The following FTCD variants were observed in gnomAD, a reference collection of about 807,000 sequenced individuals.
The protein encoded by FTCD is formimidoyltransferase cyclodeaminase.
FTCD carries 76 observed loss-of-function variants against 62.9 expected under a neutral mutation model. That is an observed-to-expected ratio of 1.21 (90% CI 1.00 to 1.46). FTCD has a LOEUF of 1.46. Ranked by LOEUF, FTCD falls within the 40% of genes most tolerant of loss-of-function variation. FTCD has a pLI of 0.00. For synonymous variants in FTCD, 397 were observed against 336.9 expected (o/e 1.18, Z -1.95); for missense variants, 845 against 751.3 (o/e 1.12, Z -1.46).
chr21:46,151,726 G>A lies in FTCD; in HGVS notation c.468C>T (p.Ala156=), dbSNP rs138762824. 5.6e-5 allele frequency: 91 copies of A among 1,612,848 alleles called. No homozygotes were observed. The Middle Eastern group carries it at 1.2e-3, about 21-fold the overall frequency. ...YEALPKKLQQ[A]DWAPDFGPSS... is the part of the protein sequence containing the mutation. ...TGGGACCAAAGTCGGGCGCCCAGTC[G>A]GCCTGCTGGAGCTGTGAGCAAGTTC... The change falls in exon 5 of 14, where the codon GCC becomes GCT. Residue 156 remains alanine, a synonymous_variant. Transcript: ENST00000397746.
chr21:46,151,232 C>G (rs1354236636), intron 5 of FTCD, among the ~76,000 whole-genome samples: 1 of 152,144 alleles, frequency 6.6e-6, no homozygotes, highest in Non-Finnish European at 1.5e-5. Flanking sequence ...ATATGGGGGG[C>G]CCCTGAGGGC....
intron 7 of FTCD, among the ~76,000 whole-genome samples, chr21:46,149,228 C>T (rs2079212527): frequency 6.6e-6 from 1 of 152,118 alleles, no homozygotes; most frequent in Non-Finnish European, 1.5e-5. Context: ...GCCACAAACG[C>T]ACCAATGATT....
rs772011871 is a variant in FTCD at position 46,152,931 on chromosome 21, G to A, written c.343C>T (p.Leu115=). ...VLCAQAFGQR[L]AEELDVPVYL... ...CCTGGCACGTCCAGCTCCTCTGCCA[G>A]CCTCTGGCCAAAGGCCTGGGCGCAG... The change falls in exon 3 of 14, where the codon CTG becomes TTG. Residue 115 remains leucine, a synonymous_variant. Transcript: ENST00000397746. The A allele has an allele frequency of 3.2e-6, 5 of 1,567,270 alleles. No individual in the cohort carries two copies. The South Asian group carries it at 4.7e-5, about 15-fold the overall frequency.
At chr21:46,154,434 A>G (rs981978999) in intron 1 of FTCD, 102 bp from the exon 2 acceptor site, 9 of 1,377,434 alleles carry the variant, frequency 6.5e-6, no homozygotes, top group Non-Finnish European at 7.0e-6. Context: ...GGGGCTGAGG[A>G]GGCGGGCCAA....
In FTCD at chr21:46,138,568, C is replaced by G. The variant is rs781255845; in HGVS notation, c.1383G>C (p.Leu461=). 4.2e-5 allele frequency: 66 copies of G among 1,587,288 alleles called. No individual in the cohort carries two copies. The highest frequency in any genetic ancestry group is 1.7e-4 in the Admixed American group (10 of 57,602). Reference sequence around the variant, plus strand: ...GGGCCAGTTCCTGCAGGGCCGGCCACAGCGAGGCCACCGTCTCCGCCAGCG... The same window carrying G: ...GGGCCAGTTCCTGCAGGGCCGGCCAGAGCGAGGCCACCGTCTCCGCCAGCG... The part of the protein sequence containing the change: ...PLTLAETVAS[L]WPALQELARC... Residue 461 remains leucine (L), a synonymous_variant, in exon 12 of 14, where the codon CTG becomes CTC. Coordinates refer to ENST00000397746, the MANE Select transcript of FTCD (RefSeq NM_206965.2).
At chr21:46,151,847 C>T (rs754066099) in intron 4 of FTCD, 45 bp downstream of exon 4, 2 of 1,554,684 alleles carry the variant, frequency 1.3e-6, no homozygotes, top group African/African-American at 1.4e-5. Flanking sequence ...GACAAAGGGG[C>T]AGGTCCACCT....
intron 7 of FTCD, among the ~76,000 whole-genome samples, chr21:46,148,036 C>A (rs2079189700): frequency 2.6e-5 from 4 of 151,938 alleles, no homozygotes; most frequent in Admixed American, 2.6e-4. Flanking sequence ...GGAGAAGCGA[C>A]AGCTGCTGCT....
chr21:46,150,083 G>T, intron 7 of FTCD, 36 bp downstream of exon 7: 1 of 802,578 alleles, frequency 1.2e-6, no homozygotes. Context: ...CTCCCTGCAC[G>T]CCCCTGTCCG....
intron 10 of FTCD, among the ~76,000 whole-genome samples, chr21:46,140,863 C>A (rs2078987413): frequency 6.8e-6 from 1 of 148,008 alleles, no homozygotes; most frequent in South Asian, 2.1e-4. Flanking sequence ...TCCAGCACTC[C>A]CCGTCTGCCT....
Position 46,153,022 on chromosome 21 carries a change from G to A in FTCD, c.252C>T (p.Arg84=), listed in dbSNP as rs1190459617. 6.5e-7 allele frequency: 1 copy of A among 1,549,186 alleles called. No individual in the cohort carries two copies. Among genetic ancestry groups the A allele is most frequent in the South Asian group, 1.2e-5 (1 of 84,038 alleles). ...AGGGGCAGACGTCTAGGGCCCCCAT[G>A]CGGGGGTGCTCTCCTGCAGAGAGAC... ...DMSRHQGEHP[R]MGALDVCPFI... The change falls in exon 3 of 14, where the codon CGC becomes CGT. Residue 84 remains arginine, a synonymous_variant. Coordinates refer to ENST00000397746, the MANE Select transcript of FTCD (RefSeq NM_206965.2).
chr21:46,143,956 A>C (rs926390406), intron 10 of FTCD, among the ~76,000 whole-genome samples: 7 of 152,134 alleles, frequency 4.6e-5, no homozygotes, highest in African/African-American at 1.4e-4. Flanking sequence ...TCCACTCTGT[A>C]CACCTGGCTC....
intron 8 of FTCD, 67 bp from the exon 9 acceptor site, chr21:46,146,014 C>A: frequency 9.9e-7 from 1 of 1,008,324 alleles, no homozygotes; most frequent in Non-Finnish European, 1.4e-6. Flanking sequence ...CCTCCCGGGG[C>A]GGCCCCAGGC....
intron 10 of FTCD, chr21:46,142,549 T>C (rs2079042207): frequency 6.6e-6 from 1 of 152,242 alleles, no homozygotes; most frequent in Non-Finnish European, 1.5e-5. Context: ...GGTGGGTTGG[T>C]GGTCTCGCTG....
chr21:46,137,956 G>A (rs1356274748), intron 12 of FTCD, among the ~76,000 whole-genome samples: 2 of 152,210 alleles, frequency 1.3e-5, no homozygotes, highest in South Asian at 4.1e-4. Flanking sequence ...GAGCGCAGTG[G>A]TGTGATCACG....
chr21:46,154,037 CCCA>C, intron 2 of FTCD, 109 bp downstream of exon 2: 3 of 1,107,938 alleles, frequency 2.7e-6, no homozygotes, highest in Non-Finnish European at 4.1e-6. Context: ...CCCACTGGAC[CCCA>C]CGTTCCAAGC....
At chr21:46,138,840 GAC>G in intron 11 of FTCD, 38 bp downstream of exon 11, 1 of 1,578,698 alleles carries the variant, frequency 6.3e-7, no homozygotes, top group Non-Finnish European at 8.7e-7. Context: ...CAACTCCCCA[GAC>G]ACAGAGGCCC....
At chr21:46,152,685 TG>T (rs1170400869) in intron 3 of FTCD, 3 of 480,452 alleles carry the variant, frequency 6.2e-6, no homozygotes, top group Non-Finnish European at 1.1e-5. Flanking sequence ...CCTGTGCAGC[TG>T]CTCTGCGGTG....
rs1016205966 is a variant in FTCD at position 46,150,042 on chromosome 21, G to A, written c.906+77C>T. 2.4e-6 allele frequency: 3 copies of A among 1,266,400 alleles called. No homozygotes were observed. In the African/African-American group the frequency reaches 4.4e-5, roughly 19 times the overall value. 78.4% of individuals were successfully genotyped at this position (1,266,400 alleles called of 1,614,324 possible). A position where few individuals can be genotyped will look rare whatever the true frequency, so the allele number is the denominator to read the frequency against. The stretch of plus-strand genomic sequence containing the variant: ...GGAGGGGGAGGGAAGCTGCGCCCCA[G>A]GGCTGTGAGCTCCGCCACCGCCTCC... On this transcript the variant is annotated intron_variant, in intron 7 of 13. Transcript: ENST00000397746.
At chr21:46,147,592 C>T (rs1294919872) in intron 7 of FTCD, among the ~76,000 whole-genome samples, 1 of 152,126 alleles carries the variant, frequency 6.6e-6, no homozygotes, top group Non-Finnish European at 1.5e-5. Flanking sequence ...CACGCAGCCA[C>T]GGGCACAGCC....
Sources: gnomAD v4.1 joint callset for allele counts (sites outside exome capture counted in the v4.1 genomes callset) on GRCh38, gnomAD v4.1.1 for gene constraint, MANE v1.5 for transcripts, NCBI Gene and HGNC (gene_info 2026-07-23, HGNC 2026-07-21) for gene names.